The following PARD3 variants were observed in gnomAD, a reference collection of about 807,000 sequenced individuals.
PARD3 encodes par-3 family cell polarity regulator, also known as partitioning defective 3 homolog.
PARD3 carries 75 observed loss-of-function variants against 155.4 expected under a neutral mutation model. The observed-to-expected ratio is 0.48, with a 90% CI of 0.40 to 0.58. The LOEUF is 0.58. Ranked by LOEUF, PARD3 falls within the 20% of genes least tolerant of loss-of-function variation. PARD3 has a pLI of 0.00. For synonymous variants in PARD3, 576 were observed against 610.5 expected (o/e 0.94, Z 0.83); for missense variants, 1,642 against 1,721.7 (o/e 0.95, Z 0.82).
chr10:34,573,736 A>AACAC (rs60211169), intron 2 of PARD3, among the ~76,000 whole-genome samples: 33 of 39,590 alleles, frequency 8.3e-4, no homozygotes, highest in Non-Finnish European at 1.3e-3. Flanking sequence ...AACAAACAAA[A>AACAC]ACACACACAC....
At chr10:34,581,304 G>A (rs1325388463) in intron 2 of PARD3, among the ~76,000 whole-genome samples, 3 of 133,040 alleles carry the variant, frequency 2.3e-5, no homozygotes, top group Admixed American at 8.6e-5. Context: ...GCACGATCTC[G>A]GCTCACTGCA....
At chr10:34,586,986 G>T (rs566504639) in intron 2 of PARD3, among the ~76,000 whole-genome samples, 1 of 152,120 alleles carries the variant, frequency 6.6e-6, no homozygotes, top group Non-Finnish European at 1.5e-5. Flanking sequence ...GGTGATACGG[G>T]ACAAACTCAT....
At chr10:34,151,942 AATATAC>A (rs1279673600) in intron 22 of PARD3, among the ~76,000 whole-genome samples, 1 of 152,152 alleles carries the variant, frequency 6.6e-6, no homozygotes, top group East Asian at 1.9e-4. Context: ...GATTCTATAA[AATATAC>A]ATATATAGTA....
intron 2 of PARD3, among the ~76,000 whole-genome samples, chr10:34,605,570 A>C (rs1393189225): frequency 1.5e-4 from 8 of 54,944 alleles, no homozygotes; most frequent in Non-Finnish European, 2.1e-4. Flanking sequence ...CTATATATAT[A>C]TATATCTCCT....
intron 7 of PARD3, among the ~76,000 whole-genome samples, chr10:34,393,292 G>T (rs1234202663): frequency 1.3e-5 from 2 of 151,986 alleles, no homozygotes; most frequent in Non-Finnish European, 2.9e-5. Context: ...TTATAGAAAA[G>T]ATCCAGGCCA....
intron 22 of PARD3, among the ~76,000 whole-genome samples, chr10:34,248,843 C>T (rs1183365554): frequency 6.6e-6 from 1 of 152,140 alleles, no homozygotes; most frequent in African/African-American, 2.4e-5. Flanking sequence ...ATGTTAACTC[C>T]AACACACACA....
At chr10:34,780,335 A>C (rs1442709980) in intron 1 of PARD3, among the ~76,000 whole-genome samples, 1 of 152,204 alleles carries the variant, frequency 6.6e-6, no homozygotes, top group Non-Finnish European at 1.5e-5. Flanking sequence ...TTGGAGATCT[A>C]TCTCAATAGC....
Position 34,580,083 on chromosome 10 carries a change from C to A in PARD3, c.223-62924G>T, listed in dbSNP as rs181106562. On this transcript the variant is annotated intron_variant, in intron 2 of 24. Transcript: ENST00000374788. ...TATGTACCACCATGCCTGGATAATT[C>A]TTTATATTTTTAGTAGAGATGAGGT... 1.5e-3 allele frequency among the ~76,000 whole-genome samples: 222 copies of A among 151,256 alleles called. 3 individuals carry two copies. Among genetic ancestry groups the A allele is most frequent in the Non-Finnish European group, 5.3e-4 (36 of 67,842 alleles).
intron 2 of PARD3, among the ~76,000 whole-genome samples, chr10:34,565,905 C>G (rs1382217645): frequency 6.6e-6 from 1 of 152,176 alleles, no homozygotes; most frequent in Non-Finnish European, 1.5e-5. Context: ...AGTCGTGATT[C>G]AACTGATTTT....
chr10:34,449,346 A>G (rs2076929588), intron 5 of PARD3, among the ~76,000 whole-genome samples: 1 of 151,938 alleles, frequency 6.6e-6, no homozygotes, highest in African/African-American at 2.4e-5. Flanking sequence ...AGAAAGCACA[A>G]TTAAAATTAT....
chr10:34,248,937 GATA>G (rs1295247676), intron 22 of PARD3, among the ~76,000 whole-genome samples: 12 of 152,298 alleles, frequency 7.9e-5, no homozygotes, highest in African/African-American at 2.9e-4. Context: ...ACCGGGGATT[GATA>G]ATTTTAAATG....
intron 2 of PARD3, among the ~76,000 whole-genome samples, chr10:34,676,699 G>A (rs1244530724): frequency 2.0e-5 from 3 of 152,106 alleles, no homozygotes; most frequent in Admixed American, 1.3e-4. Context: ...AGATCTCTAG[G>A]TCAACACCCT....
chr10:34,302,920 C>T (rs1032653540), intron 20 of PARD3, among the ~76,000 whole-genome samples: 1 of 152,158 alleles, frequency 6.6e-6, no homozygotes, highest in African/African-American at 2.4e-5. Flanking sequence ...GTGACTGCCA[C>T]GTCTCCTGTA....
chr10:34,233,641 T>C (rs1953057239), intron 22 of PARD3, among the ~76,000 whole-genome samples: 1 of 152,120 alleles, frequency 6.6e-6, no homozygotes, highest in East Asian at 1.9e-4. Flanking sequence ...CCCAGATATT[T>C]AGTTGTTCAA....
At chr10:34,541,456 A>G (rs2083607103) in intron 2 of PARD3, among the ~76,000 whole-genome samples, 1 of 152,250 alleles carries the variant, frequency 6.6e-6, no homozygotes, top group Admixed American at 6.5e-5. Flanking sequence ...AATCTTCTGT[A>G]TATGAATTCT....
intron 2 of PARD3, among the ~76,000 whole-genome samples, chr10:34,681,751 TATATATATATATATATA>T (rs1489975847): frequency 8.2e-4 from 15 of 18,218 alleles, no homozygotes; most frequent in East Asian, 8.1e-3. Context: ...TATATATATA[TATATATATATATATATA>T]TTTTTTTTTT....
intron 3 of PARD3, among the ~76,000 whole-genome samples, chr10:34,476,790 C>CAGG: frequency 6.6e-6 from 1 of 152,290 alleles, no homozygotes; most frequent in South Asian, 2.1e-4. Context: ...CTCAGGGTAA[C>CAGG]TCCCAACAGG....
chr10:34,594,055 GC>G (rs943544942), intron 2 of PARD3, among the ~76,000 whole-genome samples: 3 of 152,140 alleles, frequency 2.0e-5, no homozygotes, highest in African/African-American at 7.2e-5. Flanking sequence ...ATTTATTACA[GC>G]CTACAATTAT....
At chr10:34,181,730 T>A (rs989173690) in intron 22 of PARD3, among the ~76,000 whole-genome samples, 4 of 152,150 alleles carry the variant, frequency 2.6e-5, no homozygotes, top group Non-Finnish European at 4.4e-5. Context: ...TACATGGGAT[T>A]GCTCTGAAAC....
Sources: gnomAD v4.1 joint callset for allele counts (sites outside exome capture counted in the v4.1 genomes callset) on GRCh38, gnomAD v4.1.1 for gene constraint, MANE v1.5 for transcripts, NCBI Gene and HGNC (gene_info 2026-07-23, HGNC 2026-07-21) for gene names.